The following WDR37 variants were observed in gnomAD, a reference collection of about 807,000 sequenced individuals.
The protein encoded by WDR37 is WD repeat domain 37.
Under a neutral mutation model 62.9 loss-of-function variants are expected in WDR37, and 19 were observed. The ratio of observed to expected loss-of-function variants is 0.30; its 90% confidence interval spans 0.21 to 0.44. The LOEUF is 0.44. Among genes scored for constraint, WDR37 ranks in the 20% least tolerant of loss-of-function variants. WDR37 has a pLI of 1.00. For missense variants in WDR37, 474 were observed against 657.6 expected, an observed-to-expected ratio of 0.72 and a Z score of 3.05; for synonymous variants, 250 against 260.9, an observed-to-expected ratio of 0.96 and a Z score of 0.40.
intron 7 of WDR37, among the ~76,000 whole-genome samples, chr10:1,090,383 T>C (rs1277585040): frequency 6.6e-6 from 1 of 152,212 alleles, no homozygotes; most frequent in East Asian, 1.9e-4. Context: ...GGTCTTGAAC[T>C]CCTGACTTCA....
chr10:1,093,391 A>G, intron 7 of WDR37, 61 bp from the exon 8 acceptor site: 1 of 1,348,112 alleles, frequency 7.4e-7, no homozygotes, highest in Non-Finnish European at 1.0e-6. Flanking sequence ...TATAGCTAAT[A>G]AATGTTGATA....
Position 1,124,272 on chromosome 10 carries a change from T to A in WDR37, c.1158T>A (p.Asp386Glu). 13 of 1,614,244 alleles carry A rather than the reference T, an allele frequency of 8.1e-6. No homozygotes were observed. The highest frequency in any genetic ancestry group is 1.0e-5 in the Non-Finnish European group (12 of 1,180,048). ...GAGACAACGTGGTTTCAGGCAGCGA[T>A]GACCGCACGGTGAAAGTCTGGGACT... The part of the protein sequence containing the change: ...TVGDNVVSGS[D>E]DRTVKVWDLK... The change falls in exon 12 of 14, where the codon GAT (aspartate) becomes GAA (glutamate). Residue 386 changes from aspartate (D) to glutamate (E), a missense_variant. Transcript: ENST00000263150.
chr10:1,090,807 C>T (rs1442584368), intron 7 of WDR37, among the ~76,000 whole-genome samples: 2 of 152,192 alleles, frequency 1.3e-5, no homozygotes, highest in African/African-American at 2.4e-5. Context: ...GCCTTTGACA[C>T]TGGATGAAGG....
chr10:1,125,504 C>T (rs1362271081), intron 13 of WDR37, among the ~76,000 whole-genome samples: 1 of 152,200 alleles, frequency 6.6e-6, no homozygotes, highest in African/African-American at 2.4e-5. Flanking sequence ...GCCACCGTGC[C>T]CAGCCCAGTG....
intron 11 of WDR37, among the ~76,000 whole-genome samples, chr10:1,115,884 G>A (rs1079388): frequency 0.56 from 84,974 of 151,974 alleles, 24,726 homozygotes; most frequent in Non-Finnish European, 0.65. Context: ...AGATGAGGAC[G>A]GCCTGCAGGC....
intron 12 of WDR37, 56 bp downstream of exon 12, chr10:1,124,408 T>C (rs1010958475): frequency 1.9e-6 from 3 of 1,604,644 alleles, no homozygotes; most frequent in Non-Finnish European, 2.6e-6. Context: ...AAGGATTGAT[T>C]GTGATTTCAT....
intron 11 of WDR37, among the ~76,000 whole-genome samples, chr10:1,114,484 G>A (rs540835856): frequency 1.1e-4 from 16 of 152,206 alleles, no homozygotes; most frequent in Admixed American, 6.5e-5. Context: ...GTGTTTTTTA[G>A]TGGTAAAATT....
chr10:1,129,361 T>C lies in WDR37; in HGVS notation c.*17T>C. 1 of 1,613,860 alleles carries C rather than the reference T, an allele frequency of 6.2e-7. No homozygotes were observed. Among genetic ancestry groups the C allele is most frequent in the Non-Finnish European group, 8.5e-7 (1 of 1,179,816 alleles). ...GAAAAATAAGGACACCGGCAGCCCTTAGTTTCACTGTTTGCCAGCACAGAC... is the reference window on the plus strand; with the variant it reads ...GAAAAATAAGGACACCGGCAGCCCTCAGTTTCACTGTTTGCCAGCACAGAC... On this transcript the variant is annotated 3_prime_UTR_variant, in exon 14 of 14. Transcript: ENST00000263150.
intron 11 of WDR37, among the ~76,000 whole-genome samples, chr10:1,117,718 G>A (rs1835449278): frequency 6.6e-6 from 1 of 152,220 alleles, no homozygotes; most frequent in Admixed American, 6.5e-5. Flanking sequence ...GGGCAGCATG[G>A]GGAGGGGTGG....
At chr10:1,127,066 T>C (rs1835812480) in intron 13 of WDR37, among the ~76,000 whole-genome samples, 2 of 152,238 alleles carry the variant, frequency 1.3e-5, no homozygotes, top group South Asian at 4.1e-4. Context: ...AGTAGAATGT[T>C]CTCTTTTCAA....
intron 11 of WDR37, among the ~76,000 whole-genome samples, chr10:1,107,238 A>C (rs1835052958): frequency 6.6e-6 from 1 of 152,212 alleles, no homozygotes; most frequent in African/African-American, 2.4e-5. Flanking sequence ...CGTCCACCAG[A>C]TGCAGAGGGG....
rs746898631 is a variant in WDR37, at chr10:1,106,510, TTTTG to T, written c.1103+1262_1103+1265del. 8.5e-5 allele frequency among the ~76,000 whole-genome samples: 13 copies of T among 152,174 alleles called. 1 individual carries two copies. The highest frequency in any genetic ancestry group is 3.4e-3 in the Middle Eastern group (1 of 294). On this transcript the variant is annotated intron_variant, in intron 11 of 13. Coordinates refer to ENST00000263150, the MANE Select transcript of WDR37 (RefSeq NM_014023.4). ...AGATGTTGGAAAGGAAAATAGGACT[TTTTG>T]TTTGTTTGTTTGTTTGTTAATAGAC...
chr10:1,132,285 T>C lies in WDR37; in HGVS notation c.*2941T>C, dbSNP rs1835963093. The C allele has an allele frequency of 1.3e-5, 2 of 152,200 alleles. No homozygotes were observed. 9.4% of individuals were successfully genotyped at this position (152,200 alleles called of 1,614,324 possible). A position where few individuals can be genotyped will look rare whatever the true frequency, so the allele number is the denominator to read the frequency against. ...TGAGCTAGAAATTGAACAAATATAA[T>C]ACTGGTCACTCGAAAAATTTTTAGA... On this transcript the variant is annotated 3_prime_UTR_variant, in exon 14 of 14. Transcript: ENST00000263150.
At chr10:1,099,802 C>G (rs1391047136) in intron 9 of WDR37, among the ~76,000 whole-genome samples, 1 of 145,336 alleles carries the variant, frequency 6.9e-6, no homozygotes, top group Non-Finnish European at 1.5e-5. Context: ...TTAGGAAATT[C>G]AAAATGTGCA....
At chr10:1,057,004 A>C (rs1198529664) in intron 1 of WDR37, 36 bp downstream of exon 1, 1 of 152,298 alleles carries the variant, frequency 6.6e-6, no homozygotes, top group Non-Finnish European at 1.5e-5. Context: ...TCAGGCGCCG[A>C]GTCGTTCCCC....
In WDR37 at chr10:1,126,405, C is replaced by CAAAA. The variant is rs745441088; in HGVS notation, c.1353+1382_1353+1383insAAAA. On this transcript the variant is annotated intron_variant, in intron 13 of 13. Coordinates refer to ENST00000263150, the MANE Select transcript of WDR37 (RefSeq NM_014023.4). Reference sequence around the variant, plus strand: ...TGGGCGACAGAGCGAGACTGTGTCTCAGAAAAAAAAAAAAGAAACTCCCCG... The same window carrying CAAAA: ...TGGGCGACAGAGCGAGACTGTGTCTCAAAAAGAAAAAAAAAAAAGAAACTCCCCG... Among the ~76,000 whole-genome samples, 50 of 125,530 alleles carry CAAAA rather than the reference C, an allele frequency of 4.0e-4. 1 individual carries two copies. The South Asian group carries it at 7.1e-3, about 18-fold the overall frequency. The allele number at this position is 125,530 out of a possible 152,430, so 82.4% of individuals were successfully genotyped here.
chr10:1,120,986 T>A (rs967864903), intron 11 of WDR37, among the ~76,000 whole-genome samples: 1 of 152,118 alleles, frequency 6.6e-6, no homozygotes, highest in Non-Finnish European at 1.5e-5. Context: ...GGTGCTGCAC[T>A]GTCAGCTGGA....
At chr10:1,095,762 G>A (rs773008964) in intron 8 of WDR37, among the ~76,000 whole-genome samples, 61 of 152,188 alleles carry the variant, frequency 4.0e-4, no homozygotes, top group Non-Finnish European at 7.9e-4. Context: ...CCATTGAAAG[G>A]CCGCGTGTGT....
rs773559974 is a variant in WDR37, at chr10:1,129,412, G to T, written c.*68G>T. The T allele has an allele frequency of 6.3e-7, 1 of 1,586,668 alleles. No homozygotes were observed. Among genetic ancestry groups the T allele is most frequent in the African/African-American group, 1.3e-5 (1 of 74,226 alleles). ...CTTTGATGGGTGCAGGCTTTTCTGC[G>T]TATTAATCAGCCATTTTTGTGAGAG... On this transcript the variant is annotated 3_prime_UTR_variant, in exon 14 of 14. Transcript: ENST00000263150.
Sources: gnomAD v4.1 joint callset for allele counts (sites outside exome capture counted in the v4.1 genomes callset) on GRCh38, gnomAD v4.1.1 for gene constraint, MANE v1.5 for transcripts, NCBI Gene and HGNC (gene_info 2026-07-23, HGNC 2026-07-21) for gene names.